The following IL1RAPL1 variants were observed in gnomAD, a reference collection of about 807,000 sequenced individuals.
The protein encoded by IL1RAPL1 is interleukin 1 receptor accessory protein like 1, also known as interleukin-1 receptor accessory protein-like 1.
IL1RAPL1 carries 3 observed loss-of-function variants against 48.4 expected under a neutral mutation model. The ratio of observed to expected loss-of-function variants is 0.06; its 90% CI spans 0.03 to 0.16. The LOEUF (loss-of-function observed/expected upper bound fraction) is 0.16. Among genes scored for constraint, IL1RAPL1 ranks in the 10% least tolerant of loss-of-function variants. The pLI, the probability that IL1RAPL1 is intolerant of heterozygous loss-of-function variation, is 1.00. For missense variants in IL1RAPL1, 349 were observed against 530.6 expected (o/e 0.66, Z 3.36); for synonymous variants, 185 against 187.7 (o/e 0.99, Z 0.12).
chrX:28,721,794 G>A (rs973102822), intron 1 of IL1RAPL1, among the ~76,000 whole-genome samples: 2 of 111,040 alleles, frequency 1.8e-5, no homozygotes, highest in Admixed American at 1.9e-4. Flanking sequence ...AAGGGATCCA[G>A]TTTCAGCTTT....
chrX:29,906,388 A>G (rs1452862348), intron 6 of IL1RAPL1, among the ~76,000 whole-genome samples: 1 of 94,643 alleles, frequency 1.1e-5, no homozygotes, highest in Non-Finnish European at 2.1e-5. Flanking sequence ...GAATCCAATA[A>G]TCTGGAAGGG....
chrX:28,828,301 T>G (rs1281908239), intron 2 of IL1RAPL1, among the ~76,000 whole-genome samples: 2 of 112,060 alleles, frequency 1.8e-5, no homozygotes, highest in East Asian at 5.6e-4. Context: ...TTCACTATCA[T>G]TTCAAGTAAT....
chrX:28,860,665 GC>G (rs1441657365), intron 2 of IL1RAPL1, among the ~76,000 whole-genome samples: 1 of 109,572 alleles, frequency 9.1e-6, no homozygotes, highest in Non-Finnish European at 1.9e-5. Flanking sequence ...CACCATGTTG[GC>G]CAGGCTGGTC....
intron 3 of IL1RAPL1, among the ~76,000 whole-genome samples, chrX:29,339,778 C>G (rs1449809961): frequency 8.9e-6 from 1 of 112,113 alleles, no homozygotes; most frequent in Non-Finnish European, 1.9e-5. Flanking sequence ...TCCAGATAAT[C>G]ACATTACATT....
chrX:29,010,943 G>A (rs1357879492), intron 2 of IL1RAPL1, among the ~76,000 whole-genome samples: 1 of 111,689 alleles, frequency 9.0e-6, no homozygotes, highest in Admixed American at 9.5e-5. Flanking sequence ...CAGACACATG[G>A]TAAGCACTCA....
intron 3 of IL1RAPL1, among the ~76,000 whole-genome samples, chrX:29,367,917 C>A (rs1933488968): frequency 9.2e-6 from 1 of 109,281 alleles, no homozygotes. Context: ...ATATATATAT[C>A]TTTATACAAA....
intron 2 of IL1RAPL1, among the ~76,000 whole-genome samples, chrX:29,122,863 T>C (rs1289972823): frequency 1.8e-5 from 2 of 110,763 alleles, no homozygotes; most frequent in Non-Finnish European, 3.8e-5. Flanking sequence ...CCTTTCTTAC[T>C]GCCTAGTCAT....
chrX:29,227,225 T>C (rs2147554530), intron 2 of IL1RAPL1, among the ~76,000 whole-genome samples: 1 of 108,479 alleles, frequency 9.2e-6, no homozygotes, highest in Non-Finnish European at 1.9e-5. Context: ...GGTAACACAA[T>C]CCAAAGGTCA....
chrX:29,380,947 A>T (rs181925721), intron 3 of IL1RAPL1, among the ~76,000 whole-genome samples: 40 of 112,358 alleles, frequency 3.6e-4, no homozygotes, highest in African/African-American at 1.3e-3. Flanking sequence ...AAGCCAGTTA[A>T]GTATTGAGCC....
intron 3 of IL1RAPL1, among the ~76,000 whole-genome samples, chrX:29,323,713 TTATATATATATATATATATA>T (rs1172683563): frequency 8.2e-4 from 9 of 10,954 alleles, no homozygotes; most frequent in Admixed American, 2.9e-3. Context: ...ACTGAATTTT[TTATATATATATATATATATA>T]TATATATATA....
intron 2 of IL1RAPL1, among the ~76,000 whole-genome samples, chrX:29,087,771 C>T (rs1222729742): frequency 8.9e-6 from 1 of 112,565 alleles, no homozygotes; most frequent in African/African-American, 3.2e-5. Context: ...CAATGGCTCA[C>T]ACCTGTAATC....
chrX:28,943,513 A>G (rs1353450474), intron 2 of IL1RAPL1, among the ~76,000 whole-genome samples: 2 of 109,989 alleles, frequency 1.8e-5, no homozygotes, highest in African/African-American at 3.3e-5. Context: ...GATGAGGAGT[A>G]GGATGGGGAA....
intron 2 of IL1RAPL1, among the ~76,000 whole-genome samples, chrX:28,884,950 TTA>T (rs1922593570): frequency 1.8e-5 from 2 of 111,712 alleles, no homozygotes; most frequent in South Asian, 7.3e-4. Flanking sequence ...AAAGGTGGAA[TTA>T]TGACTGTCAT....
In IL1RAPL1 at chrX:29,017,097, C is replaced by T. The variant is rs1011451286; in HGVS notation, c.82+227672C>T. On this transcript the variant is annotated intron_variant, in intron 2 of 10. Coordinates refer to ENST00000378993, the MANE Select transcript of IL1RAPL1 (RefSeq NM_014271.4). ...TATCAGAAAAGTATGACTTCTGTAA[C>T]ACTGACTAGATTATATGATTCGACG... is the stretch of plus-strand genomic sequence containing the variant. Among the ~76,000 whole-genome samples, 10 of 112,037 alleles carry T rather than the reference C, an allele frequency of 8.9e-5. No homozygotes were observed. The East Asian group carries it at 2.5e-3, about 28-fold the overall frequency.
rs775223171 is a variant in IL1RAPL1 at position 29,715,262 on chromosome X, A to G, written c.778+46758A>G. ...CTTAGGCCAGTGGTCCTAAAACATTAGCTTTCATCTGAATCACCTAGGGGG... is the reference window on the plus strand; with the variant it reads ...CTTAGGCCAGTGGTCCTAAAACATTGGCTTTCATCTGAATCACCTAGGGGG... On this transcript the variant is annotated intron_variant, in intron 6 of 10. Transcript: ENST00000378993. 8.1e-5 allele frequency among the ~76,000 whole-genome samples: 9 copies of G among 111,390 alleles called. No individual in the cohort carries two copies. In the South Asian group the frequency reaches 3.1e-3, roughly 38 times the overall value.
chrX:28,667,710 C>A (rs1934897405), intron 1 of IL1RAPL1, among the ~76,000 whole-genome samples: 1 of 112,077 alleles, frequency 8.9e-6, no homozygotes, highest in African/African-American at 3.2e-5. Flanking sequence ...ACTTATTTCT[C>A]CCAGTTATGT....
intron 2 of IL1RAPL1, among the ~76,000 whole-genome samples, chrX:29,059,915 G>C (rs939651660): frequency 9.0e-6 from 1 of 111,513 alleles, no homozygotes; most frequent in Non-Finnish European, 1.9e-5. Flanking sequence ...TTGTACCCTT[G>C]AGTATCAGAT....
intron 9 of IL1RAPL1, among the ~76,000 whole-genome samples, chrX:29,946,340 C>G (rs1955850180): frequency 3.6e-5 from 4 of 112,020 alleles, no homozygotes; most frequent in Admixed American, 1.9e-4. Flanking sequence ...CATTGCCACC[C>G]CCATGGGATC....
chrX:29,835,249 A>G (rs758589035), intron 6 of IL1RAPL1, among the ~76,000 whole-genome samples: 15 of 112,191 alleles, frequency 1.3e-4, no homozygotes, highest in African/African-American at 4.9e-4. Context: ...AAAAACTGAC[A>G]TAGAAAATTA....
Sources: gnomAD v4.1 joint callset for allele counts (sites outside exome capture counted in the v4.1 genomes callset) on GRCh38, gnomAD v4.1.1 for gene constraint, MANE v1.5 for transcripts, NCBI Gene and HGNC (gene_info 2026-07-23, HGNC 2026-07-21) for gene names.